The following ACSL4 variants were observed in gnomAD, a reference collection of about 807,000 sequenced individuals.
The protein encoded by ACSL4 is long-chain-fatty-acid--CoA ligase 4.
In ACSL4, 9 loss-of-function variants were observed where a neutral mutation model predicts 49.1. That is an observed-to-expected ratio of 0.18 (90% CI 0.11 to 0.32). The LOEUF (loss-of-function observed/expected upper bound fraction) is 0.32. ACSL4 is among the 10% of genes least tolerant of loss of function. The pLI is 1.00. For missense variants in ACSL4, 333 were observed against 493.7 expected (o/e 0.67, Z 3.08); for synonymous variants, 191 against 170.3 (o/e 1.12, Z -0.95).
intron 15 of ACSL4, among the ~76,000 whole-genome samples, chrX:109,650,027 A>G (rs1934945608): frequency 9.0e-6 from 1 of 110,956 alleles, no homozygotes; most frequent in Admixed American, 9.6e-5. Context: ...TCAGGAAACA[A>G]CAGGTGCTGG....
chrX:109,675,956 CAGCAGCACCCTGTCATACAA>C (rs1923644219), intron 8 of ACSL4, among the ~76,000 whole-genome samples: 1 of 111,700 alleles, frequency 9.0e-6, no homozygotes, highest in African/African-American at 3.3e-5. Flanking sequence ...TAGTCAAACA[CAGCAGCACCCTGTCATACAA>C]AGATTGTGTT....
intron 1 of ACSL4, among the ~76,000 whole-genome samples, chrX:109,715,043 C>T (rs190925965): frequency 3.6e-5 from 4 of 109,954 alleles, no homozygotes; most frequent in East Asian, 5.8e-4. Context: ...CTCAGGAGTT[C>T]GAGACCAGGA....
At chrX:109,709,002 A>G (rs888939014) in intron 1 of ACSL4, among the ~76,000 whole-genome samples, 3 of 112,046 alleles carry the variant, frequency 2.7e-5, no homozygotes, top group Non-Finnish European at 5.6e-5. Flanking sequence ...CTTTAAAGCT[A>G]AGAGTTCTAC....
At chrX:109,657,407 C>T (rs1184493387) in intron 15 of ACSL4, among the ~76,000 whole-genome samples, 2 of 106,266 alleles carry the variant, frequency 1.9e-5, no homozygotes, top group Non-Finnish European at 3.9e-5. Flanking sequence ...GTGATGTTCC[C>T]CTTCCTGTGT....
At chrX:109,691,962 A>G (rs1925069122) in intron 2 of ACSL4, 1 of 112,083 alleles carries the variant, frequency 8.9e-6, no homozygotes, top group African/African-American at 3.2e-5. Context: ...AGTATGACTG[A>G]AAGCTTTTCA....
chrX:109,725,799 G>A (rs1437905695), intron 1 of ACSL4, among the ~76,000 whole-genome samples: 3 of 111,238 alleles, frequency 2.7e-5, no homozygotes, highest in Admixed American at 9.6e-5. Context: ...TTTTTTCCAC[G>A]TATCTTGTAT....
Position 109,663,221 on chromosome X carries a change from T to C in ACSL4, c.1572A>G (p.Leu524=). The change falls in exon 13 of 16, where the codon TTA becomes TTG. Residue 524 remains leucine (L), a synonymous_variant. Transcript: ENST00000672401. ...AGAAAACATTCTGACCTATAATCTG[T>C]AAACATCCATCGGGATGGAATTCTC... The part of the protein sequence containing the change: ...DIGEFHPDGC[L]QIIDRKKDLV... The C allele has an allele frequency of 8.3e-7, 1 of 1,205,750 alleles. No individual in the cohort carries two copies. Among genetic ancestry groups the C allele is most frequent in the Non-Finnish European group, 1.1e-6 (1 of 891,757 alleles).
intron 15 of ACSL4, among the ~76,000 whole-genome samples, chrX:109,646,043 G>T (rs1239045854): frequency 8.9e-6 from 1 of 112,079 alleles, no homozygotes; most frequent in African/African-American, 3.2e-5. Flanking sequence ...ATCTACATCT[G>T]ATTGGTGTAC....
chrX:109,682,682 C>G, intron 4 of ACSL4, 37 bp downstream of exon 4: 2 of 1,201,515 alleles, frequency 1.7e-6, no homozygotes, highest in Non-Finnish European at 2.3e-6. Context: ...CAAGCAAAGA[C>G]CCTCCTCTCC....
chrX:109,670,981 C>T (rs987759156), intron 9 of ACSL4, among the ~76,000 whole-genome samples: 1 of 112,300 alleles, frequency 8.9e-6, no homozygotes, highest in Non-Finnish European at 1.9e-5. Context: ...GCTACAACCT[C>T]CACCTCCCAG....
intron 2 of ACSL4, among the ~76,000 whole-genome samples, chrX:109,688,823 C>CT (rs372048467): frequency 0.021 from 2,133 of 103,076 alleles, 31 homozygotes; most frequent in African/African-American, 0.061. Flanking sequence ...CCTTTTCAGT[C>CT]TTTTTTTTTT....
intron 11 of ACSL4, among the ~76,000 whole-genome samples, chrX:109,666,210 G>A (rs186690951): frequency 2.7e-5 from 3 of 112,447 alleles, no homozygotes; most frequent in African/African-American, 9.7e-5. Flanking sequence ...CTGAAGGTAA[G>A]CACAATAGTA....
rs754379294 is a variant in ACSL4, at chrX:109,692,872, G to A, written c.-13+3272C>T. ...TTTATAATAAATGTGTTTTGTTCAAGTGAAGAATATACAAAATATCTATAG... is the reference window on the plus strand; with the variant it reads ...TTTATAATAAATGTGTTTTGTTCAAATGAAGAATATACAAAATATCTATAG... On this transcript the variant is annotated intron_variant, in intron 2 of 15. Coordinates refer to ENST00000672401, the MANE Select transcript of ACSL4 (RefSeq NM_001318510.2). 2.7e-3 allele frequency among the ~76,000 whole-genome samples: 304 copies of A among 112,225 alleles called. 2 individuals carry two copies. The highest frequency in any genetic ancestry group is 5.0e-3 in the Admixed American group (53 of 10,574).
intron 10 of ACSL4, among the ~76,000 whole-genome samples, chrX:109,668,664 C>G (rs182916365): frequency 8.9e-6 from 1 of 111,968 alleles, no homozygotes; most frequent in African/African-American, 3.2e-5. Context: ...ATACTTACTA[C>G]ACTATTTTAT....
rs145778272 is a variant in ACSL4 at position 109,658,478 on chromosome X, C to G, written c.1855+876G>C. On this transcript the variant is annotated intron_variant, in intron 15 of 15. Transcript: ENST00000672401. ...CTAGTAAAACCTGCCAATGGCTCCTCACTGTCTACAGGATTACATCCAAAT... is the reference window on the plus strand; with the variant it reads ...CTAGTAAAACCTGCCAATGGCTCCTGACTGTCTACAGGATTACATCCAAAT... 1.6e-4 allele frequency among the ~76,000 whole-genome samples: 18 copies of G among 111,603 alleles called. 1 individual carries two copies. Among genetic ancestry groups the G allele is most frequent in the African/African-American group, 5.9e-4 (18 of 30,590 alleles).
At chrX:109,708,617 T>A (rs1246737695) in intron 1 of ACSL4, among the ~76,000 whole-genome samples, 1 of 112,307 alleles carries the variant, frequency 8.9e-6, no homozygotes, top group East Asian at 2.8e-4. Flanking sequence ...CATGGTTAAC[T>A]GTTTTCTGAA....
chrX:109,667,783 T>C (rs950465088), intron 11 of ACSL4, among the ~76,000 whole-genome samples: 3 of 110,668 alleles, frequency 2.7e-5, no homozygotes, highest in South Asian at 7.7e-4. Context: ...TCCCAGCTAC[T>C]TGGGAGGCTG....
intron 1 of ACSL4, among the ~76,000 whole-genome samples, chrX:109,705,527 C>T (rs1926285698): frequency 8.9e-6 from 1 of 112,539 alleles, no homozygotes; most frequent in Admixed American, 9.4e-5. Flanking sequence ...CTGAACCATA[C>T]TTTTTATCTC....
intron 9 of ACSL4, among the ~76,000 whole-genome samples, chrX:109,670,084 C>A: frequency 8.9e-6 from 1 of 112,207 alleles, no homozygotes; most frequent in Middle Eastern, 4.6e-3. Flanking sequence ...CCCAGACTAC[C>A]ACTAAATGAT....
Sources: gnomAD v4.1 joint callset for allele counts (sites outside exome capture counted in the v4.1 genomes callset) on GRCh38, gnomAD v4.1.1 for gene constraint, MANE v1.5 for transcripts, NCBI Gene and HGNC (gene_info 2026-07-23, HGNC 2026-07-21) for gene names.